Variants in PRTG observed in about 807,000 individuals in gnomAD.
PRTG encodes immunoglobulin superfamily, DCC subclass, member 5.
Under a neutral mutation model 122.5 loss-of-function variants are expected in PRTG, and 67 were observed. The observed-to-expected ratio is 0.55, with a 90% CI of 0.45 to 0.67. The LOEUF is 0.67. Among genes scored for constraint, PRTG ranks in the 30% least tolerant of loss-of-function variants. PRTG has a pLI of 0.00. For synonymous variants in PRTG, 554 were observed against 501.1 expected (o/e 1.11, Z -1.41); for missense variants, 1,435 against 1,415.4 (o/e 1.01, Z -0.22).
chr15:55,718,484 AC>A (rs2030685928), intron 2 of PRTG, among the ~76,000 whole-genome samples: 1 of 150,644 alleles, frequency 6.6e-6, no homozygotes, highest in African/African-American at 2.5e-5. Flanking sequence ...AGAGAACAAC[AC>A]CCCCGCTTTG....
chr15:55,717,528 T>C (rs1595673666), intron 2 of PRTG, among the ~76,000 whole-genome samples: 1 of 152,218 alleles, frequency 6.6e-6, no homozygotes, highest in South Asian at 2.1e-4. Flanking sequence ...ACCTTTGACA[T>C]TGTGCTATGG....
intron 2 of PRTG, among the ~76,000 whole-genome samples, chr15:55,711,775 C>T (rs1186902572): frequency 7.2e-5 from 11 of 152,180 alleles, no homozygotes; most frequent in Admixed American, 3.9e-4. Flanking sequence ...CCCATCTGAT[C>T]CACAAGCTTG....
At position 55,639,849 on chromosome 15, in the gene PRTG, A is replaced by G. The variant is rs377520581; in HGVS notation, c.2138-21T>C. 1.9e-5 allele frequency: 31 copies of G among 1,612,154 alleles called. No homozygotes were observed. In the African/African-American group the frequency reaches 4.0e-4, roughly 21 times the overall value. Reference sequence around the variant, plus strand: ...AACAGCTATTGAGAAAAACAATGTTAATTTACGATACGACATAACATTTTA... The same window carrying G: ...AACAGCTATTGAGAAAAACAATGTTGATTTACGATACGACATAACATTTTA... On this transcript the variant is annotated intron_variant, in intron 12 of 19. Coordinates refer to ENST00000389286, the MANE Select transcript of PRTG (RefSeq NM_173814.6).
At chr15:55,709,184 A>C (rs1317404563) in intron 2 of PRTG, among the ~76,000 whole-genome samples, 1 of 135,262 alleles carries the variant, frequency 7.4e-6, no homozygotes, top group Non-Finnish European at 1.6e-5. Context: ...AGAATTACAG[A>C]CGTTTTTAAA....
chr15:55,733,514 C>CA (rs1171561645), intron 2 of PRTG, among the ~76,000 whole-genome samples: 15,095 of 76,526 alleles, frequency 0.2, 1,229 homozygotes, highest in East Asian at 0.42. Context: ...CTGTCTCAAA[C>CA]AAAAAAAAAA....
In PRTG at chr15:55,634,063, C is replaced by CTTTT. The variant is rs10711487; in HGVS notation, c.2623+3103_2623+3106dup. On this transcript the variant is annotated intron_variant, in intron 15 of 19. Transcript: ENST00000389286. ...AGGAGCCAGAACAAAATATACATTG[C>CTTTT]TTTTTTTTTTTTTTTTTTTTTGAGA... Among the ~76,000 whole-genome samples, 186 of 73,832 alleles carry CTTTT rather than the reference C, an allele frequency of 2.5e-3. 1 individual carries two copies. The highest frequency in any genetic ancestry group is 4.3e-3 in the African/African-American group (95 of 22,306). The allele number at this position is 73,832 out of a possible 152,430, so 48.4% of individuals were successfully genotyped here.
At chr15:55,641,648 C>A (rs941467894) in intron 11 of PRTG, among the ~76,000 whole-genome samples, 4 of 152,054 alleles carry the variant, frequency 2.6e-5, no homozygotes, top group African/African-American at 9.7e-5. Context: ...TTGTTTTATT[C>A]CAAAAAGTTA....
intron 2 of PRTG, among the ~76,000 whole-genome samples, chr15:55,702,468 G>C (rs180769808): frequency 1.3e-5 from 2 of 152,274 alleles, no homozygotes; most frequent in African/African-American, 4.8e-5. Flanking sequence ...ATTTGTCCTA[G>C]AGTATGTATG....
intron 2 of PRTG, among the ~76,000 whole-genome samples, chr15:55,692,972 C>A (rs1482107871): frequency 6.6e-6 from 1 of 150,826 alleles, no homozygotes; most frequent in Non-Finnish European, 1.5e-5. Flanking sequence ...TCCCCAGTAG[C>A]TAGAACTACA....
intron 11 of PRTG, 46 bp from the exon 12 acceptor site, chr15:55,641,254 C>A (rs1472083400): frequency 1.4e-6 from 2 of 1,399,226 alleles, no homozygotes; most frequent in South Asian, 2.4e-5. Context: ...GTCTCTAGAT[C>A]TGAGCAAAGG....
intron 15 of PRTG, among the ~76,000 whole-genome samples, chr15:55,632,081 C>T (rs1300271962): frequency 6.6e-6 from 1 of 152,132 alleles, no homozygotes; most frequent in African/African-American, 2.4e-5. Context: ...TAAACATCAC[C>T]TATACATTGA....
At chr15:55,640,931 T>C (rs1595612514) in intron 12 of PRTG, among the ~76,000 whole-genome samples, 182 bp downstream of exon 12, 1 of 150,730 alleles carries the variant, frequency 6.6e-6, no homozygotes, top group African/African-American at 2.4e-5. Flanking sequence ...GGCAGGAGAA[T>C]CGCTTGAACC....
chr15:55,635,349 C>T lies in PRTG; in HGVS notation c.2623+1821G>A, dbSNP rs2059252111. ...TCGTGATCCGTCTGCCTCAGCCTCC[C>T]AAAGTGCTGGGATTACAGGCATGAG... On this transcript the variant is annotated intron_variant, in intron 15 of 19. Transcript: ENST00000389286. 1.3e-5 allele frequency among the ~76,000 whole-genome samples: 2 copies of T among 152,272 alleles called. 1 individual carries two copies. Among genetic ancestry groups the T allele is most frequent in the South Asian group, 4.1e-4 (2 of 4,824 alleles).
intron 2 of PRTG, among the ~76,000 whole-genome samples, chr15:55,689,411 A>G (rs1198156317): frequency 1.3e-5 from 2 of 152,174 alleles, no homozygotes; most frequent in South Asian, 2.1e-4. Context: ...TGCCAAATAC[A>G]TATTTTAACT....
chr15:55,661,801 G>A (rs1481901503), intron 11 of PRTG, among the ~76,000 whole-genome samples: 1 of 151,680 alleles, frequency 6.6e-6, no homozygotes, highest in Non-Finnish European at 1.5e-5. Flanking sequence ...AGCTGCTAAA[G>A]CAGTAAAACA....
intron 2 of PRTG, among the ~76,000 whole-genome samples, chr15:55,740,096 A>C (rs564806971): frequency 3.6e-4 from 55 of 152,108 alleles, no homozygotes; most frequent in African/African-American, 1.3e-3. Flanking sequence ...TCTACATCCA[A>C]CTCTTCATAC....
In PRTG at chr15:55,742,915, C is replaced by CGCAGAGGAGGCGCCAT; in HGVS notation, c.1_16dup (p.Arg6HisfsTer37). On this transcript the variant is annotated frameshift_variant, in exon 1 of 20. Coordinates refer to ENST00000389286, the MANE Select transcript of PRTG (RefSeq NM_173814.6). LOFTEE classifies it high-confidence loss of function. The stretch of plus-strand genomic sequence containing the variant: ...CGGCGGTCGCAGCCGGGCGAGGGGT[C>CGCAGAGGAGGCGCCAT]GCAGAGGAGGCGCCATTCAGCGTAG... 1.3e-6 allele frequency: 2 copies of CGCAGAGGAGGCGCCAT among 1,525,828 alleles called. No homozygotes were observed. The highest frequency in any genetic ancestry group is 2.7e-5 in the East Asian group (1 of 37,276). The allele number at this position is 1,525,828 out of a possible 1,614,324, so 94.5% of individuals were successfully genotyped here.
chr15:55,720,390 T>TA lies in PRTG; in HGVS notation c.397+19991dup, dbSNP rs375391409. Among the ~76,000 whole-genome samples, 42 of 148,270 alleles carry TA rather than the reference T, an allele frequency of 2.8e-4. 1 individual carries two copies. Among genetic ancestry groups the TA allele is most frequent in the East Asian group, 7.9e-4 (4 of 5,078 alleles). The stretch of plus-strand genomic sequence containing the variant: ...AAAACAAAACAAAATAAAACAAACA[T>TA]AAAAAAAAAACTATGGCTGTTTTCT... On this transcript the variant is annotated intron_variant, in intron 2 of 19. Coordinates refer to ENST00000389286, the MANE Select transcript of PRTG (RefSeq NM_173814.6).
intron 2 of PRTG, among the ~76,000 whole-genome samples, chr15:55,697,524 T>C (rs1371937693): frequency 6.6e-6 from 1 of 152,192 alleles, no homozygotes; most frequent in Non-Finnish European, 1.5e-5. Flanking sequence ...GTTTGTTTGT[T>C]TGTTTGAGAT....
Sources: allele counts gnomAD v4.1 joint callset (sites outside exome capture counted in the v4.1 genomes callset), GRCh38; gene constraint gnomAD v4.1.1; transcripts MANE v1.5; gene names NCBI Gene and HGNC (gene_info 2026-07-23, HGNC 2026-07-21).